The following DACT1 variants were observed in gnomAD, a reference collection of about 807,000 sequenced individuals.
DACT1 encodes dishevelled binding antagonist of beta catenin 1.
DACT1 carries 19 observed loss-of-function variants against 35.3 expected under a neutral mutation model. That is an observed-to-expected ratio of 0.54 (90% CI 0.38 to 0.79). DACT1 has a LOEUF of 0.79. Among genes scored for constraint, DACT1 ranks in the 30% least tolerant of loss-of-function variants. DACT1 has a pLI of 0.00. For synonymous variants in DACT1, 545 were observed against 466.7 expected, an observed-to-expected ratio of 1.17 and a Z score of -2.16; for missense variants, 1,143 against 1,057.5, an observed-to-expected ratio of 1.08 and a Z score of -1.12.
chr14:58,642,174 T>G (rs1346370850), intron 3 of DACT1, among the ~76,000 whole-genome samples: 1 of 152,192 alleles, frequency 6.6e-6, no homozygotes, highest in African/African-American at 2.4e-5. Flanking sequence ...CTGGATCACC[T>G]GAGGTCAGGA....
chr14:58,638,533 C>T lies in DACT1; in HGVS notation c.331C>T (p.Leu111=), dbSNP rs751414282. The T allele has an allele frequency of 1.4e-5, 19 of 1,343,050 alleles. No individual in the cohort carries two copies. Among genetic ancestry groups the T allele is most frequent in the Non-Finnish European group, 1.8e-5 (19 of 1,040,076 alleles). 83.2% of individuals were successfully genotyped at this position (1,343,050 alleles called of 1,614,324 possible). A position where few individuals can be genotyped will look rare whatever the true frequency, so the allele number is the denominator to read the frequency against. Reference sequence around the variant, plus strand: ...GTTCTTGGAGGAGAACATCTTGCTGCTAAGAAAGCAATTGGTAGGTCGTGC... The same window carrying T: ...GTTCTTGGAGGAGAACATCTTGCTGTTAAGAAAGCAATTGGTAGGTCGTGC... ...EKFLEENILL[L]RKQLNCLRRR... is the part of the protein sequence containing the mutation. The change falls in exon 1 of 4, where the codon CTA becomes TTA. Residue 111 remains leucine (L), a synonymous_variant. Coordinates refer to ENST00000395153, the MANE Select transcript of DACT1 (RefSeq NM_001079520.2).
rs1279121917 is a variant in DACT1 at position 58,638,554 on chromosome 14, C to T, written c.345+7C>T. Reference sequence around the variant, plus strand: ...GCTGCTAAGAAAGCAATTGGTAGGTCGTGCCCGAAGGTGGAGCACGGCTGT... The same window carrying T: ...GCTGCTAAGAAAGCAATTGGTAGGTTGTGCCCGAAGGTGGAGCACGGCTGT... On this transcript the variant is annotated splice_region_variant and intron_variant, in intron 1 of 3. Coordinates refer to ENST00000395153, the MANE Select transcript of DACT1 (RefSeq NM_001079520.2). The T allele has an allele frequency of 2.2e-6, 3 of 1,335,370 alleles. No individual in the cohort carries two copies. The highest frequency in any genetic ancestry group is 5.6e-5 in the East Asian group (2 of 35,692). 82.7% of individuals were successfully genotyped at this position (1,335,370 alleles called of 1,614,324 possible).
upstream of DACT1, among the ~76,000 whole-genome samples, chr14:58,637,744 G>C (rs1178789872): frequency 6.6e-6 from 1 of 151,876 alleles, no homozygotes; most frequent in African/African-American, 2.4e-5. Flanking sequence ...AGGGGGCGAG[G>C]AGGCCCGCGA....
At chr14:58,642,999 G>A (rs555525067) in intron 3 of DACT1, among the ~76,000 whole-genome samples, 27 of 152,188 alleles carry the variant, frequency 1.8e-4, no homozygotes, top group African/African-American at 5.8e-4. Flanking sequence ...CCCAATAGTC[G>A]TGCACAGTAC....
In DACT1 at chr14:58,639,165, G is replaced by GA. The variant is rs578230722; in HGVS notation, c.345+621dup. 3.4e-3 allele frequency: 3,394 copies of GA among 985,350 alleles called. 11 individuals are homozygous for GA. Among genetic ancestry groups the GA allele is most frequent in the Middle Eastern group, 0.013 (25 of 1,914 alleles). The allele number at this position is 985,350 out of a possible 1,614,324, so 61.0% of individuals were successfully genotyped here. On this transcript the variant is annotated intron_variant, in intron 1 of 3. Transcript: ENST00000395153. Reference sequence around the variant, plus strand: ...CAGCTCAAACTAGATGGAAATGATGGAAATTTGGCTGGAGACTGTGTCCCC... The same window carrying GA: ...CAGCTCAAACTAGATGGAAATGATGGAAAATTTGGCTGGAGACTGTGTCCCC...
chr14:58,640,918 C>T (rs1468285540), intron 2 of DACT1, 50 bp downstream of exon 2: 1 of 1,605,680 alleles, frequency 6.2e-7, no homozygotes, highest in East Asian at 2.2e-5. Context: ...AGTTGTATCT[C>T]AGCCCCTTGT....
At chr14:58,645,314 G>A in intron 3 of DACT1, 55 bp from the exon 4 acceptor site, 1 of 1,614,176 alleles carries the variant, frequency 6.2e-7, no homozygotes. Flanking sequence ...GGCCTCAGGG[G>A]CAGTTTGCCG....
Position 58,640,784 on chromosome 14 carries a change from C to G in DACT1, c.394C>G (p.Leu132Val), listed in dbSNP as rs771830846. 1 of 1,613,972 alleles carries G rather than the reference C, an allele frequency of 6.2e-7. No homozygotes were observed. The highest frequency in any genetic ancestry group is 1.3e-5 in the African/African-American group (1 of 74,908). Residue 132 changes from leucine to valine, a missense_variant, in exon 2 of 4, where the codon CTT (leucine) becomes GTT (valine). Around this residue, in one of 3 missense-constraint regions of DACT1, gnomAD observed 1,054 missense variants for 958.8 expected, o/e 1.10. Transcript: ENST00000395153. Reference protein sequence around the residue: ...DAGLLNQLQELDKQISDLRLD... With the variant: ...DAGLLNQLQEVDKQISDLRLD... ...TGGTTTGTTGAATCAGTTGCAAGAG[C>G]TTGACAAGCAGATAAGTGACCTGAG...
intron 1 of DACT1, chr14:58,638,867 T>C (rs2047601172): frequency 9.3e-7 from 1 of 1,071,284 alleles, no homozygotes; most frequent in Non-Finnish European, 1.1e-6. Flanking sequence ...TCGGTCTCCT[T>C]AGTTAGATGA....
intron 3 of DACT1, 38 bp from the exon 4 acceptor site, chr14:58,645,331 C>G (rs554987326): frequency 1.2e-6 from 2 of 1,614,214 alleles, no homozygotes; most frequent in Admixed American, 1.7e-5. Flanking sequence ...GCCGTTCCCT[C>G]TCCACACCAC....
In DACT1 at chr14:58,640,795, G is replaced by A. The variant is rs777177569; in HGVS notation, c.405G>A (p.Gln135=). The stretch of plus-strand genomic sequence containing the variant: ...ATCAGTTGCAAGAGCTTGACAAGCA[G>A]ATAAGTGACCTGAGACTGGATGTAG... ...LLNQLQELDK[Q]ISDLRLDVEK... Residue 135 remains glutamine, a synonymous_variant, in exon 2 of 4, where the codon CAG becomes CAA. Transcript: ENST00000395153. 1 of 1,614,138 alleles carries A rather than the reference G, an allele frequency of 6.2e-7. No individual in the cohort carries two copies. Among genetic ancestry groups the A allele is most frequent in the South Asian group, 1.1e-5 (1 of 91,086 alleles).
At chr14:58,637,109 G>A (rs1220957613), upstream of DACT1, among the ~76,000 whole-genome samples, 1 of 152,244 alleles carries the variant, frequency 6.6e-6, no homozygotes, top group African/African-American at 2.4e-5. Context: ...AAGGGAGTAA[G>A]TTGCCCGCAC....
At chr14:58,639,595 G>T (rs1157551620) in intron 1 of DACT1, among the ~76,000 whole-genome samples, 2 of 152,228 alleles carry the variant, frequency 1.3e-5, no homozygotes, top group East Asian at 3.9e-4. Context: ...GTGTGTGTGT[G>T]TTTTTAAGCA....
In DACT1 at chr14:58,646,486, T is replaced by A; in HGVS notation, c.1752T>A (p.Asn584Lys). ...GCTTCCCAGATGACTTGGATACAAA[T>A]AAGAAACTCAAGAAAGCCTCCTCCA... ...KCRFPDDLDT[N>K]KKLKKASSKG... Residue 584 changes from asparagine (N) to lysine (K), a missense_variant, in exon 4 of 4, where the codon AAT becomes AAA. This residue lies in a region of DACT1 where 1,054 missense variants were observed against 958.8 expected (regional missense o/e 1.10). Coordinates refer to ENST00000395153, the MANE Select transcript of DACT1 (RefSeq NM_001079520.2). 6.4e-7 allele frequency: 1 copy of A among 1,565,726 alleles called. No homozygotes were observed. The highest frequency in any genetic ancestry group is 8.6e-7 in the Non-Finnish European group (1 of 1,160,614).
rs1595600338 is a variant in DACT1 at position 58,645,838 on chromosome 14, A to G, written c.1104A>G (p.Ile368Met). 6.2e-7 allele frequency: 1 copy of G among 1,614,236 alleles called. No individual in the cohort carries two copies. Among genetic ancestry groups the G allele is most frequent in the African/African-American group, 1.3e-5 (1 of 75,070 alleles). ...SKQACLPSGGIPSLNNGTFSP... is the reference protein window; with the variant it reads ...SKQACLPSGGMPSLNNGTFSP... Reference sequence around the variant, plus strand: ...AGGCGTGTCTGCCCTCTGGCGGGATACCTTCTCTGAACAATGGGACATTCT... The same window carrying G: ...AGGCGTGTCTGCCCTCTGGCGGGATGCCTTCTCTGAACAATGGGACATTCT... Residue 368 changes from isoleucine (I) to methionine (M), a missense_variant, in exon 4 of 4, where the codon ATA becomes ATG. Ile to Met is a conservative substitution (Grantham distance 10). Coordinates refer to ENST00000395153, the MANE Select transcript of DACT1 (RefSeq NM_001079520.2).
At chr14:58,637,773 CG>C (rs1378611157), upstream of DACT1, among the ~76,000 whole-genome samples, 1 of 41,190 alleles carries the variant, frequency 2.4e-5, no homozygotes, top group Admixed American at 1.8e-4. Context: ...GGGGAGGAGG[CG>C]GGGAGGGGCG....
chr14:58,640,979 G>A, intron 2 of DACT1, 111 bp downstream of exon 2: 2 of 1,207,950 alleles, frequency 1.7e-6, no homozygotes, highest in Non-Finnish European at 2.3e-6. Flanking sequence ...TTCCAGTGCA[G>A]AGAGGATAAA....
chr14:58,638,312 C>T lies in DACT1; in HGVS notation c.110C>T (p.Ala37Val). 1 of 1,331,986 alleles carries T rather than the reference C, an allele frequency of 7.5e-7. No homozygotes were observed. The highest frequency in any genetic ancestry group is 2.0e-5 in the South Asian group (1 of 50,238). 82.5% of individuals were successfully genotyped at this position (1,331,986 alleles called of 1,614,324 possible). A position where few individuals can be genotyped will look rare whatever the true frequency, so the allele number is the denominator to read the frequency against. Residue 37 changes from alanine (A) to valine (V), a missense_variant, in exon 1 of 4, where the codon GCA (alanine) becomes GTA (valine). Around this residue, in one of 3 missense-constraint regions of DACT1, gnomAD observed 85 missense variants for 81.8 expected, o/e 1.04. Coordinates refer to ENST00000395153, the MANE Select transcript of DACT1 (RefSeq NM_001079520.2). ...GGGCGCTGGCGGGAGAAGGGCGAGG[C>T]AGACACCGAGCGGCAGCGCACCCGG... The part of the protein sequence containing the change: ...PEGRWREKGE[A>V]DTERQRTRER...
chr14:58,647,164 G>GTT lies in DACT1; in HGVS notation c.*38_*39dup. The GTT allele has an allele frequency of 6.4e-7, 1 of 1,573,942 alleles. No individual in the cohort carries two copies. Among genetic ancestry groups the GTT allele is most frequent in the South Asian group, 1.2e-5 (1 of 84,002 alleles). On this transcript the variant is annotated 3_prime_UTR_variant, in exon 4 of 4. Coordinates refer to ENST00000395153, the MANE Select transcript of DACT1 (RefSeq NM_001079520.2). ...CATCATTGGTGTAGAAAGTTTGTGT[G>GTT]TTTTTTTTTCTTCTCCCTAGTTGCC...
Sources: gnomAD v4.1 joint callset for allele counts (sites outside exome capture counted in the v4.1 genomes callset) on GRCh38, gnomAD v4.1.1 for gene constraint, gnomAD v4.1.1 regional missense constraint, MANE v1.5 for transcripts, NCBI Gene and HGNC (gene_info 2026-07-23, HGNC 2026-07-21) for gene names.